Variants in ATG7 observed in about 807,000 individuals in gnomAD.
ATG7 encodes ubiquitin-like modifier-activating enzyme ATG7.
A neutral mutation model predicts 82.4 loss-of-function variants in ATG7; 70 were observed. The observed-to-expected ratio is 0.85, with a 90% CI of 0.70 to 1.04. ATG7 has a LOEUF of 1.04. ATG7 is among the 50% of genes least tolerant of loss of function. The pLI, the probability that ATG7 is intolerant of heterozygous loss-of-function variation, is 0.00. For missense variants in ATG7, 792 were observed against 864.3 expected (o/e 0.92, Z 1.05); for synonymous variants, 287 against 313.0 (o/e 0.92, Z 0.88).
At chr3:11,465,492 C>T (rs1340542366) in intron 20 of ATG7, among the ~76,000 whole-genome samples, 1 of 150,748 alleles carries the variant, frequency 6.6e-6, no homozygotes, top group African/African-American at 2.4e-5. Flanking sequence ...CATCTGTAAT[C>T]TCAACACTTT....
chr3:11,347,789 C>A, intron 13 of ATG7, 88 bp from the exon 14 acceptor site: 2 of 1,398,496 alleles, frequency 1.4e-6, no homozygotes, highest in Non-Finnish European at 1.9e-6. Context: ...CAAGCTTCTC[C>A]AAACCAATAT....
At chr3:11,525,034 T>A (rs2092540651) in intron 20 of ATG7, among the ~76,000 whole-genome samples, 1 of 150,356 alleles carries the variant, frequency 6.7e-6, no homozygotes, top group African/African-American at 2.5e-5. Context: ...AATCTCACTT[T>A]ATTTATTTAT....
intron 20 of ATG7, among the ~76,000 whole-genome samples, chr3:11,499,188 C>T (rs1344641841): frequency 6.6e-6 from 1 of 152,170 alleles, no homozygotes; most frequent in Non-Finnish European, 1.5e-5. Context: ...TACTAATGGG[C>T]TGTGTGCTCC....
At chr3:11,358,856 T>C (rs1387168002) in intron 15 of ATG7, among the ~76,000 whole-genome samples, 1 of 152,236 alleles carries the variant, frequency 6.6e-6, no homozygotes, top group East Asian at 1.9e-4. Flanking sequence ...AAAGATATAC[T>C]GTACTTACAT....
At chr3:11,564,693 C>A in the ATG7 span, 3 of 1,380,084 alleles carry the variant, frequency 2.2e-6, no homozygotes, top group Non-Finnish European at 3.0e-6. Flanking sequence ...TCACCACCTC[C>A]CTCCCTCACC....
intron 20 of ATG7, among the ~76,000 whole-genome samples, chr3:11,476,418 C>CTTTTTTTTTTTTTTTTT (rs57639760): frequency 7.2e-6 from 1 of 139,462 alleles, no homozygotes; most frequent in African/African-American, 2.7e-5. Context: ...TGTGGTTTTT[C>CTTTTTTTTTTTTTTTTT]TTTTTTTTTT....
rs1559844145 is a variant in ATG7, at chr3:11,557,035, G to C, written c.*2192G>C. 1 of 152,464 alleles carries C rather than the reference G, an allele frequency of 6.6e-6. No homozygotes were observed. Among genetic ancestry groups the C allele is most frequent in the Non-Finnish European group, 1.5e-5 (1 of 68,048 alleles). The allele number at this position is 152,464 out of a possible 1,614,324, so 9.4% of individuals were successfully genotyped here. A position where few individuals can be genotyped will look rare whatever the true frequency, so the allele number is the denominator to read the frequency against. On this transcript the variant is annotated 3_prime_UTR_variant, in exon 21 of 21. Transcript: ENST00000693202. ...TCATACGGTGTGCAGAGTCCACAAA[G>C]CCTTGCAGGTGAGGTGACCACGCCC...
chr3:11,520,985 G>A (rs962796900), intron 20 of ATG7, among the ~76,000 whole-genome samples: 7 of 152,150 alleles, frequency 4.6e-5, no homozygotes, highest in Admixed American at 1.3e-4. Flanking sequence ...AGTAGTAGTT[G>A]CTCCAGGCCC....
chr3:11,477,350 A>C, intron 20 of ATG7: 2 of 1,122,670 alleles, frequency 1.8e-6, no homozygotes, highest in Non-Finnish European at 1.1e-6. Flanking sequence ...TACGTTCAGT[A>C]ATGAATGTAA....
rs528547789 is a variant in ATG7, at chr3:11,449,436, T to C, written c.2079+22510T>C. 7.9e-5 allele frequency among the ~76,000 whole-genome samples: 12 copies of C among 152,226 alleles called. No individual in the cohort carries two copies. The East Asian group carries it at 2.3e-3, about 29-fold the overall frequency. ...TAAGGCCCCAGAGTCTTCACTACCC[T>C]TGGTGGCTGTACTTTTAAGGGAATG... On this transcript the variant is annotated intron_variant, in intron 20 of 20. Coordinates refer to ENST00000693202, the MANE Select transcript of ATG7 (RefSeq NM_001349232.2).
intron 5 of ATG7, among the ~76,000 whole-genome samples, chr3:11,303,612 G>A (rs1181435088): frequency 2.0e-5 from 3 of 151,352 alleles, no homozygotes; most frequent in Non-Finnish European, 4.4e-5. Context: ...AGCTTGCAGT[G>A]AGCCGAGATC....
intron 20 of ATG7, among the ~76,000 whole-genome samples, chr3:11,525,579 G>A (rs2092559139): frequency 7.0e-6 from 1 of 143,572 alleles, no homozygotes; most frequent in Non-Finnish European, 1.5e-5. Context: ...TTTTTAAACG[G>A]AGTCTTGCTC....
chr3:11,370,128 C>G (rs1232150631), intron 18 of ATG7, among the ~76,000 whole-genome samples: 5 of 151,110 alleles, frequency 3.3e-5, no homozygotes, highest in Non-Finnish European at 7.4e-5. Flanking sequence ...ACATAAGAGA[C>G]CCTTGTAAAT....
the ATG7 span, among the ~76,000 whole-genome samples, chr3:11,563,936 C>CAGTG: frequency 6.6e-6 from 1 of 152,210 alleles, no homozygotes; most frequent in Non-Finnish European, 1.5e-5. Flanking sequence ...GGACACCAGG[C>CAGTG]AGTGCCACTT....
chr3:11,299,283 A>G, intron 4 of ATG7, 79 bp from the exon 5 acceptor site: 2 of 1,425,972 alleles, frequency 1.4e-6, no homozygotes, highest in Non-Finnish European at 2.0e-6. Context: ...AAAGAGAAGA[A>G]AACTATTCAT....
At chr3:11,336,036 ATTTTTTTTTT>A (rs541306159) in intron 11 of ATG7, among the ~76,000 whole-genome samples, 3 of 111,696 alleles carry the variant, frequency 2.7e-5, no homozygotes, top group African/African-American at 3.7e-5. Flanking sequence ...GTGCCCGGTC[ATTTTTTTTTT>A]TTTTTTTTTT....
intron 19 of ATG7, among the ~76,000 whole-genome samples, chr3:11,409,385 T>C (rs1481616135): frequency 6.6e-6 from 1 of 152,246 alleles, no homozygotes; most frequent in African/African-American, 2.4e-5. Context: ...TAAACAACTA[T>C]TGACTAGTAC....
At chr3:11,395,214 A>G (rs2079110292) in intron 19 of ATG7, among the ~76,000 whole-genome samples, 1 of 152,216 alleles carries the variant, frequency 6.6e-6, no homozygotes, top group South Asian at 2.1e-4. Flanking sequence ...AGAGTGAAGC[A>G]CTGTATACAC....
intron 3 of ATG7, among the ~76,000 whole-genome samples, chr3:11,289,267 T>G (rs981323045): frequency 7.2e-5 from 11 of 152,194 alleles, no homozygotes; most frequent in African/African-American, 2.7e-4. Flanking sequence ...TAGTGACACA[T>G]GAATAACTCT....
Sources: gnomAD v4.1 joint callset for allele counts (sites outside exome capture counted in the v4.1 genomes callset) on GRCh38, gnomAD v4.1.1 for gene constraint, MANE v1.5 for transcripts, NCBI Gene and HGNC (gene_info 2026-07-23, HGNC 2026-07-21) for gene names.